ZC3H12B: variants seen among roughly 807,000 people sequenced by gnomAD.
ZC3H12B encodes the protein probable ribonuclease ZC3H12B.
In ZC3H12B, 7 loss-of-function variants were observed where a neutral mutation model predicts 43.9. The ratio of observed to expected loss-of-function variants is 0.16; its 90% confidence interval spans 0.09 to 0.30. The LOEUF is 0.30. Ranked by LOEUF, ZC3H12B falls within the 10% of genes least tolerant of loss-of-function variation. The pLI, the probability that ZC3H12B is intolerant of heterozygous loss-of-function variation, is 1.00. For synonymous variants in ZC3H12B, 222 were observed against 241.7 expected, an observed-to-expected ratio of 0.92 and a Z score of 0.76; for missense variants, 475 against 670.2, an observed-to-expected ratio of 0.71 and a Z score of 3.22.
At chrX:65,409,941 T>G (rs957382738) in intron 3 of ZC3H12B, among the ~76,000 whole-genome samples, 2 of 110,413 alleles carry the variant, frequency 1.8e-5, no homozygotes, top group African/African-American at 6.6e-5. Flanking sequence ...ACAACATTAT[T>G]CACAGAAATA....
chrX:65,381,023 C>T (rs1308419419), intron 2 of ZC3H12B, among the ~76,000 whole-genome samples: 2 of 111,393 alleles, frequency 1.8e-5, no homozygotes, highest in Non-Finnish European at 3.8e-5. Context: ...TAACACCCCA[C>T]TGTCAACATT....
chrX:65,444,623 CA>C (rs1217801290), intron 3 of ZC3H12B, among the ~76,000 whole-genome samples: 1 of 111,867 alleles, frequency 8.9e-6, no homozygotes, highest in African/African-American at 3.3e-5. Context: ...TGGACTAATA[CA>C]GTAAATTGGT....
chrX:65,187,593 T>C, the ZC3H12B span, among the ~76,000 whole-genome samples: 2 of 110,838 alleles, frequency 1.8e-5, no homozygotes, highest in Non-Finnish European at 3.8e-5. Flanking sequence ...TTTATAATTA[T>C]TAATGGCAAA....
chrX:65,393,304 T>C (rs2066652513), intron 2 of ZC3H12B, among the ~76,000 whole-genome samples: 1 of 112,357 alleles, frequency 8.9e-6, no homozygotes, highest in Non-Finnish European at 1.9e-5. Flanking sequence ...AATTTTATTT[T>C]AAGTTCTGGG....
At chrX:65,472,975 T>C (rs1365738861) in intron 3 of ZC3H12B, among the ~76,000 whole-genome samples, 1 of 78,682 alleles carries the variant, frequency 1.3e-5, no homozygotes, top group East Asian at 3.5e-4. Flanking sequence ...TGTATGTGTG[T>C]GTATATATAT....
chrX:65,234,082 A>G, the ZC3H12B span, among the ~76,000 whole-genome samples: 1 of 111,590 alleles, frequency 9.0e-6, no homozygotes, highest in Non-Finnish European at 1.9e-5. Context: ...ACAAAACTGC[A>G]GGCCAAGATC....
intron 2 of ZC3H12B, among the ~76,000 whole-genome samples, chrX:65,376,335 A>G (rs1310174547): frequency 8.9e-6 from 1 of 111,938 alleles, no homozygotes; most frequent in East Asian, 2.8e-4. Flanking sequence ...CTGCCCTGGT[A>G]CTGGAGAAAC....
the ZC3H12B span, among the ~76,000 whole-genome samples, chrX:65,349,597 C>G: frequency 9.0e-6 from 1 of 110,853 alleles, no homozygotes; most frequent in Non-Finnish European, 1.9e-5. Context: ...AAAAGATCAA[C>G]AAAATAGATA....
chrX:65,079,808 C>T, the ZC3H12B span, among the ~76,000 whole-genome samples: 2 of 110,786 alleles, frequency 1.8e-5, no homozygotes, highest in Middle Eastern at 4.3e-3. Context: ...TCTTCAATAC[C>T]CAGACACCAA....
chrX:65,130,666 G>A, the ZC3H12B span, among the ~76,000 whole-genome samples: 3 of 111,762 alleles, frequency 2.7e-5, no homozygotes, highest in Non-Finnish European at 5.6e-5. Flanking sequence ...TAACCTACAT[G>A]GAAGACGTTA....
the ZC3H12B span, among the ~76,000 whole-genome samples, chrX:65,294,472 A>G: frequency 9.0e-6 from 1 of 111,495 alleles, no homozygotes; most frequent in Non-Finnish European, 1.9e-5. Context: ...GTATTCAGGC[A>G]ACAACTAAAA....
the ZC3H12B span, among the ~76,000 whole-genome samples, chrX:65,125,442 G>T: frequency 9.0e-6 from 1 of 111,351 alleles, no homozygotes; most frequent in Non-Finnish European, 1.9e-5. Context: ...ATGTGCTGAT[G>T]AATAGAATGT....
chrX:65,416,191 G>T (rs1252428315), intron 3 of ZC3H12B, among the ~76,000 whole-genome samples: 1 of 111,542 alleles, frequency 9.0e-6, no homozygotes, highest in Non-Finnish European at 1.9e-5. Flanking sequence ...TGGGAGAGGG[G>T]CAGGATTGAG....
intron 3 of ZC3H12B, among the ~76,000 whole-genome samples, chrX:65,417,734 C>T (rs1020184300): frequency 5.3e-5 from 6 of 112,997 alleles, no homozygotes; most frequent in African/African-American, 1.3e-4. Flanking sequence ...AGCCTTTTTG[C>T]GTGGGCAAAG....
At chrX:65,204,040 A>G in the ZC3H12B span, among the ~76,000 whole-genome samples, 1 of 112,111 alleles carries the variant, frequency 8.9e-6, no homozygotes, top group African/African-American at 3.2e-5. Flanking sequence ...GCAGAGTCCC[A>G]CAATCATTGT....
At chrX:65,140,894 T>G in the ZC3H12B span, among the ~76,000 whole-genome samples, 1 of 111,894 alleles carries the variant, frequency 8.9e-6, no homozygotes, top group African/African-American at 3.2e-5. Context: ...CCTTTGCAGT[T>G]TTATCATATT....
chrX:65,242,042 A>G, the ZC3H12B span, among the ~76,000 whole-genome samples: 3 of 111,336 alleles, frequency 2.7e-5, no homozygotes, highest in African/African-American at 9.8e-5. Context: ...AAATCTGTGG[A>G]AGAAGTGTGG....
chrX:65,205,529 G>A, the ZC3H12B span, among the ~76,000 whole-genome samples: 17,369 of 110,883 alleles, frequency 0.16, 3,241 homozygotes, highest in African/African-American at 0.53. Flanking sequence ...GACATACCTT[G>A]ATGTAATAAA....
chrX:65,376,392 G>A (rs1177461887), intron 2 of ZC3H12B, among the ~76,000 whole-genome samples: 2 of 111,618 alleles, frequency 1.8e-5, no homozygotes, highest in Admixed American at 9.5e-5. Flanking sequence ...CTTTATGACC[G>A]GCAAATTGTA....
Sources: gnomAD v4.1 joint callset for allele counts (sites outside exome capture counted in the v4.1 genomes callset) on GRCh38, gnomAD v4.1.1 for gene constraint, MANE v1.5 for transcripts, NCBI Gene and HGNC (gene_info 2026-07-23, HGNC 2026-07-21) for gene names.